The following MACO1 variants were observed in gnomAD, a reference collection of about 807,000 sequenced individuals.
MACO1 encodes macoilin.
A neutral mutation model predicts 78.7 loss-of-function variants in MACO1; 14 were observed. The ratio of observed to expected loss-of-function variants is 0.18; its 90% confidence interval spans 0.12 to 0.28. The LOEUF is 0.28. Among genes scored for constraint, MACO1 ranks in the 10% least tolerant of loss-of-function variants. The pLI is 1.00. For missense variants in MACO1, 501 were observed against 799.0 expected, an observed-to-expected ratio of 0.63 and a Z score of 4.50; for synonymous variants, 288 against 291.6, an observed-to-expected ratio of 0.99 and a Z score of 0.12.
chr1:25,431,841 G>A (rs1326127315), intron 1 of MACO1, among the ~76,000 whole-genome samples: 1 of 152,126 alleles, frequency 6.6e-6, no homozygotes, highest in Non-Finnish European at 1.5e-5. Flanking sequence ...CAGTTTTTCA[G>A]CAAATATTGT....
chr1:25,469,633 C>CTT (rs1222159978), intron 6 of MACO1, among the ~76,000 whole-genome samples: 98 of 127,418 alleles, frequency 7.7e-4, no homozygotes, highest in African/African-American at 1.2e-3. Flanking sequence ...TAACCTCTGA[C>CTT]TTTTTTTTTT....
Position 25,498,613 on chromosome 1 carries a change from C to A in MACO1, c.*147C>A. 1.4e-6 allele frequency: 1 copy of A among 738,756 alleles called. No homozygotes were observed. The highest frequency in any genetic ancestry group is 2.1e-6 in the Non-Finnish European group (1 of 467,222). 45.8% of individuals were successfully genotyped at this position (738,756 alleles called of 1,614,324 possible). A position where few individuals can be genotyped will look rare whatever the true frequency, so the allele number is the denominator to read the frequency against. ...TTTTTAAAAAGGGGGGAAAAGATAACATCCAAGTCTGATTAGAACTGCCCA... is the reference window on the plus strand; with the variant it reads ...TTTTTAAAAAGGGGGGAAAAGATAAAATCCAAGTCTGATTAGAACTGCCCA... On this transcript the variant is annotated 3_prime_UTR_variant, in exon 11 of 11. Transcript: ENST00000374343.
chr1:25,490,575 C>T (rs934264779), intron 9 of MACO1, among the ~76,000 whole-genome samples: 1 of 152,056 alleles, frequency 6.6e-6, no homozygotes, highest in Admixed American at 6.5e-5. Context: ...CTAAGGTAAA[C>T]AATTTTAAAA....
intron 9 of MACO1, 97 bp from the exon 10 acceptor site, chr1:25,491,313 C>T: frequency 6.5e-7 from 1 of 1,535,428 alleles, no homozygotes; most frequent in Non-Finnish European, 8.8e-7. Context: ...AGTGGCCAGA[C>T]CAAGAATAGT....
At chr1:25,432,885 A>C (rs1412883419) in intron 1 of MACO1, among the ~76,000 whole-genome samples, 1 of 152,250 alleles carries the variant, frequency 6.6e-6, no homozygotes, top group Non-Finnish European at 1.5e-5. Context: ...GTACTTGAAC[A>C]AATAGACCCA....
At chr1:25,477,879 T>G (rs951622884) in intron 6 of MACO1, among the ~76,000 whole-genome samples, 5 of 152,194 alleles carry the variant, frequency 3.3e-5, no homozygotes, top group African/African-American at 1.2e-4. Context: ...TTACAAACAT[T>G]TAGACATAGT....
At position 25,453,402 on chromosome 1, in the gene MACO1, G is replaced by A. The variant is rs931756476; in HGVS notation, c.350-857G>A. Among the ~76,000 whole-genome samples, 13 of 150,136 alleles carry A rather than the reference G, an allele frequency of 8.7e-5. No individual in the cohort carries two copies. The East Asian group carries it at 2.2e-3, about 26-fold the overall frequency. ...TTCTGGGCCGGGCACGGTGGCTCAC[G>A]CCTGTAATCCCAGCACTTTGGGAGG... On this transcript the variant is annotated intron_variant, in intron 3 of 10. Coordinates refer to ENST00000374343, the MANE Select transcript of MACO1 (RefSeq NM_018202.6).
At chr1:25,488,053 A>G (rs547098907) in intron 8 of MACO1, among the ~76,000 whole-genome samples, 21 of 152,108 alleles carry the variant, frequency 1.4e-4, no homozygotes, top group Admixed American at 3.3e-4. Flanking sequence ...TAATTATTGT[A>G]TATATGTATG....
intron 6 of MACO1, among the ~76,000 whole-genome samples, chr1:25,483,184 G>A (rs1245963895): frequency 2.0e-5 from 3 of 152,170 alleles, no homozygotes; most frequent in African/African-American, 7.2e-5. Flanking sequence ...CTGAGTAGCT[G>A]GGATTACAGG....
At chr1:25,439,436 G>C (rs894647259) in intron 1 of MACO1, among the ~76,000 whole-genome samples, 1 of 152,056 alleles carries the variant, frequency 6.6e-6, no homozygotes, top group African/African-American at 2.4e-5. Context: ...ATTTCACACT[G>C]TTAGATTTGT....
Position 25,456,659 on chromosome 1 carries a change from G to A in MACO1, c.480G>A (p.Gly160=), listed in dbSNP as rs771585873. Residue 160 remains glycine, a synonymous_variant, in exon 5 of 11, where the codon GGG becomes GGA. Transcript: ENST00000374343. The stretch of plus-strand genomic sequence containing the variant: ...TGGATTGTCTTCTTTCTAGTATTGG[G>A]TACCCTGTGGTAACTTTGGGGTTTG... ...LCRPFAAHCI[G]YPVVTLGFGF... 1.9e-6 allele frequency: 3 copies of A among 1,613,152 alleles called. No homozygotes were observed. Among genetic ancestry groups the A allele is most frequent in the Non-Finnish European group, 2.5e-6 (3 of 1,179,698 alleles).
At chr1:25,437,726 C>G (rs909384384) in intron 1 of MACO1, among the ~76,000 whole-genome samples, 8 of 151,882 alleles carry the variant, frequency 5.3e-5, no homozygotes, top group Non-Finnish European at 1.2e-4. Flanking sequence ...TCAAGACTAG[C>G]CTAGGTAACA....
rs532208524 is a variant in MACO1 at position 25,498,385 on chromosome 1, C to A, written c.1914C>A (p.Pro638=). 9 of 1,614,112 alleles carry A rather than the reference C, an allele frequency of 5.6e-6. No homozygotes were observed. In the South Asian group the frequency reaches 8.8e-5, roughly 16 times the overall value. ...AATSPLSPVS[P]HYSSKFVETS... ...CCAGCCCCCTGAGCCCTGTTTCCCCCCACTACTCTTCCAAATTTGTGGAGA... is the reference window on the plus strand; with the variant it reads ...CCAGCCCCCTGAGCCCTGTTTCCCCACACTACTCTTCCAAATTTGTGGAGA... Residue 638 remains proline (P), a synonymous_variant, in exon 11 of 11, where the codon CCC becomes CCA. Coordinates refer to ENST00000374343, the MANE Select transcript of MACO1 (RefSeq NM_018202.6).
chr1:25,452,788 C>T (rs1168692616), intron 3 of MACO1, among the ~76,000 whole-genome samples: 1 of 151,476 alleles, frequency 6.6e-6, no homozygotes, highest in Non-Finnish European at 1.5e-5. Context: ...CCTCCGCCTC[C>T]TGGGTTCAAG....
At chr1:25,495,535 C>T (rs2043527906) in intron 10 of MACO1, among the ~76,000 whole-genome samples, 1 of 152,196 alleles carries the variant, frequency 6.6e-6, no homozygotes. Context: ...GCTCTCACTG[C>T]TGCCTTCCCC....
chr1:25,453,932 C>G (rs1407235999), intron 3 of MACO1, among the ~76,000 whole-genome samples: 3 of 152,028 alleles, frequency 2.0e-5, no homozygotes, highest in Non-Finnish European at 4.4e-5. Flanking sequence ...TTTTAGCCAT[C>G]TGTATTCTTT....
chr1:25,465,921 T>G (rs751345178), intron 6 of MACO1, among the ~76,000 whole-genome samples: 1 of 152,250 alleles, frequency 6.6e-6, no homozygotes, highest in Admixed American at 6.5e-5. Flanking sequence ...TTTCTACCCA[T>G]GTTGCTGCAA....
chr1:25,469,268 C>G lies in MACO1; in HGVS notation c.1154+10376C>G, dbSNP rs557609549. ...ATCTATAAATAAGCTATGTAATGTT[C>G]TAGTCATCAGTGAGTATGTTGATTA... On this transcript the variant is annotated intron_variant, in intron 6 of 10. Coordinates refer to ENST00000374343, the MANE Select transcript of MACO1 (RefSeq NM_018202.6). 2.6e-5 allele frequency among the ~76,000 whole-genome samples: 4 copies of G among 152,268 alleles called. No homozygotes were observed. In the South Asian group the frequency reaches 6.2e-4, roughly 24 times the overall value.
In MACO1 at chr1:25,454,489, T is replaced by TATA. The variant is rs371533394; in HGVS notation, c.473+107_473+108insATA. 284 of 89,892 alleles carry TATA rather than the reference T, an allele frequency of 3.2e-3. 1 individual carries two copies. The highest frequency in any genetic ancestry group is 0.023 in the African/African-American group (269 of 11,868). The allele number at this position is 89,892 out of a possible 1,614,324, so 5.6% of individuals were successfully genotyped here. A position where few individuals can be genotyped will look rare whatever the true frequency, so the allele number is the denominator to read the frequency against. On this transcript the variant is annotated intron_variant, in intron 4 of 10. Coordinates refer to ENST00000374343, the MANE Select transcript of MACO1 (RefSeq NM_018202.6). Reference sequence around the variant, plus strand: ...GTGTGTGTATATATATATATATATATTTTTTTTTTTTTTAGACGGAGTCTT... The same window carrying TATA: ...GTGTGTGTATATATATATATATATATATATTTTTTTTTTTTTAGACGGAGTCTT...
Sources: allele counts gnomAD v4.1 joint callset (sites outside exome capture counted in the v4.1 genomes callset), GRCh38; gene constraint gnomAD v4.1.1; transcripts MANE v1.5; gene names NCBI Gene and HGNC (gene_info 2026-07-23, HGNC 2026-07-21).